CTNND2: variants seen among roughly 807,000 people sequenced by gnomAD.
The protein encoded by CTNND2 is catenin delta-2.
In CTNND2, 22 loss-of-function variants were observed where a neutral mutation model predicts 144.4. The ratio of observed to expected loss-of-function variants is 0.15; its 90% confidence interval spans 0.11 to 0.22. The LOEUF (loss-of-function observed/expected upper bound fraction) is 0.22. Among genes scored for constraint, CTNND2 ranks in the 10% least tolerant of loss-of-function variants. The pLI, the probability that CTNND2 is intolerant of heterozygous loss-of-function variation, is 1.00. For missense variants in CTNND2, 1,353 were observed against 1,618.8 expected (o/e 0.84, Z 2.82); for synonymous variants, 751 against 695.6 (o/e 1.08, Z -1.25).
At chr5:10,979,066 A>G (rs917156393) in intron 21 of CTNND2, among the ~76,000 whole-genome samples, 2 of 152,142 alleles carry the variant, frequency 1.3e-5, no homozygotes, top group Non-Finnish European at 2.9e-5. Context: ...AGCTGGTTCC[A>G]ATGAGGAGCT....
At chr5:11,725,319 C>G (rs1786951179) in intron 2 of CTNND2, among the ~76,000 whole-genome samples, 1 of 152,172 alleles carries the variant, frequency 6.6e-6, no homozygotes, top group Admixed American at 6.5e-5. Flanking sequence ...ATACAATTAA[C>G]TAAAAAATAA....
chr5:11,463,534 A>G (rs935315437), intron 3 of CTNND2, among the ~76,000 whole-genome samples: 10 of 152,160 alleles, frequency 6.6e-5, no homozygotes, highest in African/African-American at 2.4e-4. Flanking sequence ...ATCCTAGTAC[A>G]TTAGAGAGGA....
At chr5:10,978,683 C>T (rs946806138) in intron 21 of CTNND2, among the ~76,000 whole-genome samples, 6 of 152,210 alleles carry the variant, frequency 3.9e-5, no homozygotes, top group Non-Finnish European at 5.9e-5. Flanking sequence ...ACGAGAGATG[C>T]GGAGCTTGCT....
chr5:11,518,616 A>G (rs1017177130), intron 3 of CTNND2, among the ~76,000 whole-genome samples: 2 of 152,326 alleles, frequency 1.3e-5, no homozygotes, highest in South Asian at 4.1e-4. Context: ...TGTCTTATAC[A>G]GGTGTATCTT....
intron 3 of CTNND2, among the ~76,000 whole-genome samples, chr5:11,505,685 C>T (rs931476350): frequency 1.3e-5 from 2 of 152,072 alleles, no homozygotes; most frequent in African/African-American, 4.8e-5. Context: ...TTTTTTCATT[C>T]GCACCCCAAG....
chr5:11,144,370 G>A (rs556849319), intron 12 of CTNND2, among the ~76,000 whole-genome samples: 8 of 152,274 alleles, frequency 5.3e-5, no homozygotes, highest in African/African-American at 1.9e-4. Context: ...AGGCAACGGA[G>A]GGTCGGGGAG....
chr5:11,374,146 G>A (rs1757700435), intron 7 of CTNND2, among the ~76,000 whole-genome samples: 1 of 152,126 alleles, frequency 6.6e-6, no homozygotes, highest in South Asian at 2.1e-4. Flanking sequence ...CTTCAAGTGA[G>A]AGACAGTCCT....
intron 10 of CTNND2, among the ~76,000 whole-genome samples, chr5:11,205,466 T>A (rs573917620): frequency 1.3e-5 from 2 of 152,344 alleles, no homozygotes; most frequent in Non-Finnish European, 2.9e-5. Flanking sequence ...TCTTTTTTAA[T>A]ATTACAAAAT....
chr5:11,134,326 C>A (rs2149723495), intron 12 of CTNND2, among the ~76,000 whole-genome samples: 1 of 152,290 alleles, frequency 6.6e-6, no homozygotes, highest in Admixed American at 6.5e-5. Context: ...CTGAACGATC[C>A]TGGATACAGG....
chr5:11,296,451 A>C (rs1406566842), intron 9 of CTNND2, among the ~76,000 whole-genome samples: 1 of 152,218 alleles, frequency 6.6e-6, no homozygotes, highest in African/African-American at 2.4e-5. Flanking sequence ...TAGAACTAGA[A>C]ATACCATTTG....
chr5:11,203,867 T>G (rs1363350485), intron 10 of CTNND2, among the ~76,000 whole-genome samples: 1 of 152,234 alleles, frequency 6.6e-6, no homozygotes, highest in Admixed American at 6.5e-5. Context: ...ATAGCTTCAT[T>G]TGAATCTAGA....
At chr5:11,571,631 T>A (rs916913129) in intron 2 of CTNND2, among the ~76,000 whole-genome samples, 2 of 152,074 alleles carry the variant, frequency 1.3e-5, no homozygotes, top group African/African-American at 4.8e-5. Context: ...TCAGCCAATC[T>A]CCGGAGCTTA....
rs79365890 is a variant in CTNND2, at chr5:11,507,689, T to C, written c.287+57255A>G. ...ACTCAGCTTTTAATGATCTGTGCTG[T>C]GGGAAACCAGACAGCACAGGGTCCT... On this transcript the variant is annotated intron_variant, in intron 3 of 21. Coordinates refer to ENST00000304623, the MANE Select transcript of CTNND2 (RefSeq NM_001332.4). Among the ~76,000 whole-genome samples, 50 of 152,258 alleles carry C rather than the reference T, an allele frequency of 3.3e-4. 1 individual carries two copies. In the East Asian group the frequency reaches 7.4e-3, roughly 22 times the overall value.
chr5:11,547,646 A>G (rs965088834), intron 3 of CTNND2, among the ~76,000 whole-genome samples: 1 of 152,250 alleles, frequency 6.6e-6, no homozygotes, highest in African/African-American at 2.4e-5. Context: ...TGAGTAAGTG[A>G]CAAGTGTATA....
intron 16 of CTNND2, among the ~76,000 whole-genome samples, chr5:11,069,981 T>C (rs948039588): frequency 6.6e-6 from 1 of 152,210 alleles, no homozygotes; most frequent in African/African-American, 2.4e-5. Flanking sequence ...ACCCCGTAGA[T>C]GAAATGAGGT....
chr5:11,823,479 A>T (rs1459291555), intron 1 of CTNND2, among the ~76,000 whole-genome samples: 1 of 152,220 alleles, frequency 6.6e-6, no homozygotes, highest in Non-Finnish European at 1.5e-5. Flanking sequence ...ACTGGTGGCC[A>T]AATTGTTAAT....
intron 6 of CTNND2, among the ~76,000 whole-genome samples, chr5:11,392,522 C>T (rs561620347): frequency 1.3e-5 from 2 of 152,238 alleles, no homozygotes; most frequent in African/African-American, 4.8e-5. Context: ...AATATTTGCT[C>T]AGAAGAGAAA....
At chr5:11,644,944 A>G (rs1782270386) in intron 2 of CTNND2, among the ~76,000 whole-genome samples, 1 of 152,138 alleles carries the variant, frequency 6.6e-6, no homozygotes, top group Non-Finnish European at 1.5e-5. Context: ...TCAAATAGTT[A>G]TATATATGTA....
chr5:11,581,473 C>A (rs936427840), intron 2 of CTNND2, among the ~76,000 whole-genome samples: 1 of 152,124 alleles, frequency 6.6e-6, no homozygotes, highest in Non-Finnish European at 1.5e-5. Flanking sequence ...CATTAAACAG[C>A]GTATCCAAAG....
Sources: allele counts gnomAD v4.1 joint callset (sites outside exome capture counted in the v4.1 genomes callset), GRCh38; gene constraint gnomAD v4.1.1; transcripts MANE v1.5; gene names NCBI Gene and HGNC (gene_info 2026-07-23, HGNC 2026-07-21).